Variants in SHISA9 observed in about 807,000 individuals in gnomAD.
SHISA9 encodes protein shisa-9.
SHISA9 carries 13 observed loss-of-function variants against 38.0 expected under a neutral mutation model. The ratio of observed to expected loss-of-function variants is 0.34; its 90% confidence interval spans 0.22 to 0.54. SHISA9 has a LOEUF of 0.54. Among genes scored for constraint, SHISA9 ranks in the 20% least tolerant of loss-of-function variants. The pLI is 0.91. For missense variants in SHISA9, 538 were observed against 575.8 expected (o/e 0.93, Z 0.67); for synonymous variants, 275 against 242.0 (o/e 1.14, Z -1.27).
chr16:13,136,595 T>G (rs1453482572), intron 2 of SHISA9, among the ~76,000 whole-genome samples: 1 of 151,952 alleles, frequency 6.6e-6, no homozygotes, highest in Non-Finnish European at 1.5e-5. Flanking sequence ...AGAAGGGGTT[T>G]CACTATGTTG....
At chr16:13,344,005 C>T in the SHISA9 span, among the ~76,000 whole-genome samples, 15 of 152,232 alleles carry the variant, frequency 9.9e-5, no homozygotes, top group African/African-American at 3.4e-4. Flanking sequence ...CAAATGGGTC[C>T]AGAGCATTAA....
intron 2 of SHISA9, among the ~76,000 whole-genome samples, chr16:13,111,896 G>A (rs942578419): frequency 2.6e-5 from 4 of 152,156 alleles, no homozygotes; most frequent in Non-Finnish European, 4.4e-5. Context: ...GCAGACATTC[G>A]TGGAAACCCA....
chr16:13,046,099 C>T (rs772573393), intron 2 of SHISA9, among the ~76,000 whole-genome samples: 2 of 152,164 alleles, frequency 1.3e-5, no homozygotes, highest in Non-Finnish European at 2.9e-5. Flanking sequence ...GATGCTGATG[C>T]AGGATAGATA....
intron 2 of SHISA9, among the ~76,000 whole-genome samples, chr16:13,062,448 C>T (rs1185336802): frequency 6.6e-6 from 1 of 152,188 alleles, no homozygotes; most frequent in South Asian, 2.1e-4. Flanking sequence ...TGCTTAACCT[C>T]TCTGTGTCTT....
the SHISA9 span, among the ~76,000 whole-genome samples, chr16:13,544,689 T>C: frequency 6.6e-6 from 1 of 152,114 alleles, no homozygotes; most frequent in South Asian, 2.1e-4. Flanking sequence ...ACACCTGTAA[T>C]CCCAGCACTT....
the SHISA9 span, among the ~76,000 whole-genome samples, chr16:13,527,489 A>G: frequency 6.6e-6 from 1 of 152,238 alleles, no homozygotes; most frequent in African/African-American, 2.4e-5. Flanking sequence ...GGAGAAAGTG[A>G]GAGAGAAAAG....
At chr16:13,267,992 G>A in the SHISA9 span, among the ~76,000 whole-genome samples, 2 of 151,802 alleles carry the variant, frequency 1.3e-5, no homozygotes, top group Admixed American at 6.6e-5. Flanking sequence ...ACAGGAGAAA[G>A]GGGCTCAAAG....
chr16:12,959,178 T>C (rs1437046341), intron 2 of SHISA9, among the ~76,000 whole-genome samples: 1 of 152,216 alleles, frequency 6.6e-6, no homozygotes, highest in Non-Finnish European at 1.5e-5. Context: ...CTGTGCCTGG[T>C]TAATCATAGA....
At chr16:13,316,383 G>A in the SHISA9 span, among the ~76,000 whole-genome samples, 1 of 152,150 alleles carries the variant, frequency 6.6e-6, no homozygotes, top group African/African-American at 2.4e-5. Flanking sequence ...CAGGAAGCGA[G>A]AACAGAATGT....
chr16:13,002,620 C>T lies in SHISA9; in HGVS notation c.691+85805C>T, dbSNP rs369756641. Among the ~76,000 whole-genome samples, 7 of 150,678 alleles carry T rather than the reference C, an allele frequency of 4.6e-5. No individual in the cohort carries two copies. In the South Asian group the frequency reaches 1.5e-3, roughly 32 times the overall value. On this transcript the variant is annotated intron_variant, in intron 2 of 4. Coordinates refer to ENST00000558583, the MANE Select transcript of SHISA9 (RefSeq NM_001145204.3). ...TGATCTCGGATCACTGCAACCTCCA[C>T]CCCCTGGGCTCAAGCAATTCTCCTG...
At chr16:13,127,938 C>G (rs1180765811) in intron 2 of SHISA9, among the ~76,000 whole-genome samples, 1 of 152,200 alleles carries the variant, frequency 6.6e-6, no homozygotes, top group Non-Finnish European at 1.5e-5. Context: ...CCTTCCAGTT[C>G]TAAGCACTGC....
the SHISA9 span, among the ~76,000 whole-genome samples, chr16:13,522,557 C>A: frequency 3.9e-5 from 6 of 152,058 alleles, no homozygotes; most frequent in Non-Finnish European, 8.8e-5. Flanking sequence ...TCCACCTGTG[C>A]CTATTTCTAC....
At chr16:13,483,814 G>C in the SHISA9 span, among the ~76,000 whole-genome samples, 1 of 152,116 alleles carries the variant, frequency 6.6e-6, no homozygotes, top group African/African-American at 2.4e-5. Flanking sequence ...GGTCCCCAGG[G>C]AGAGCATGGA....
At chr16:13,291,830 C>A in the SHISA9 span, among the ~76,000 whole-genome samples, 1 of 152,212 alleles carries the variant, frequency 6.6e-6, no homozygotes, top group East Asian at 1.9e-4. Flanking sequence ...ATCATTAACA[C>A]TTGTGGTAGG....
chr16:13,357,911 T>C, the SHISA9 span, among the ~76,000 whole-genome samples: 1 of 152,086 alleles, frequency 6.6e-6, no homozygotes, highest in Non-Finnish European at 1.5e-5. Context: ...CCATTTACAC[T>C]TCTTTTGTGG....
chr16:13,156,977 G>T (rs373256512), intron 2 of SHISA9, among the ~76,000 whole-genome samples: 1 of 152,182 alleles, frequency 6.6e-6, no homozygotes, highest in Non-Finnish European at 1.5e-5. Context: ...AATGCAATTT[G>T]CAAATTTCCT....
At chr16:13,077,768 C>T (rs948069254) in intron 2 of SHISA9, among the ~76,000 whole-genome samples, 2 of 151,106 alleles carry the variant, frequency 1.3e-5, no homozygotes, top group Non-Finnish European at 2.9e-5. Flanking sequence ...AGAAGGAAGC[C>T]CTGAAAGGAA....
intron 2 of SHISA9, among the ~76,000 whole-genome samples, chr16:12,968,314 G>C (rs2072008746): frequency 6.6e-6 from 1 of 151,000 alleles, no homozygotes; most frequent in Admixed American, 6.6e-5. Context: ...TGAAGATCCT[G>C]GGTAATTCCA....
chr16:13,375,193 A>G, the SHISA9 span, among the ~76,000 whole-genome samples: 1 of 152,074 alleles, frequency 6.6e-6, no homozygotes, highest in African/African-American at 2.4e-5. Context: ...CCATTTGTCA[A>G]TTGTGGCTTC....
Sources: allele counts gnomAD v4.1 joint callset (sites outside exome capture counted in the v4.1 genomes callset), GRCh38; gene constraint gnomAD v4.1.1; transcripts MANE v1.5; gene names NCBI Gene and HGNC (gene_info 2026-07-23, HGNC 2026-07-21).